RASGEF1C: variants seen among roughly 807,000 people sequenced by gnomAD.
The protein encoded by RASGEF1C is RasGEF domain family member 1C.
Under a neutral mutation model 58.1 loss-of-function variants are expected in RASGEF1C, and 27 were observed. The ratio of observed to expected loss-of-function variants is 0.46; its 90% CI spans 0.34 to 0.64. The LOEUF is 0.64. Ranked by LOEUF, RASGEF1C falls within the 30% of genes least tolerant of loss-of-function variation. The probability of loss-of-function intolerance (pLI) is 0.01; values close to 1 mark genes in which losing one functional copy is unlikely to be tolerated. For synonymous variants in RASGEF1C, 243 were observed against 246.3 expected (o/e 0.99, Z 0.13); for missense variants, 502 against 605.1 (o/e 0.83, Z 1.79).
At chr5:180,123,368 G>A (rs970239917) in intron 6 of RASGEF1C, among the ~76,000 whole-genome samples, 2 of 152,134 alleles carry the variant, frequency 1.3e-5, no homozygotes, top group Non-Finnish European at 2.9e-5. Flanking sequence ...GGATGAATAT[G>A]AATCTCAGCA....
At chr5:180,119,536 T>A (rs1766132098) in intron 7 of RASGEF1C, 88 bp from the exon 8 acceptor site, 3 of 975,452 alleles carry the variant, frequency 3.1e-6, no homozygotes, top group Admixed American at 2.0e-5. Context: ...CCGCTTCACC[T>A]TCTCTAAACC....
At position 180,128,419 on chromosome 5, in the gene RASGEF1C, G is replaced by A. The variant is rs368535017; in HGVS notation, c.630C>T (p.His210=). Residue 210 remains histidine (H), a synonymous_variant, in exon 5 of 14, where the codon CAC becomes CAT. Coordinates refer to ENST00000361132, the MANE Select transcript of RASGEF1C (RefSeq NM_175062.4). ...DPYTLAQQLT[H]VELERLRHIG... ...GTTTGGGCCGGCTTACCAGTTCCACGTGGGTCAGCTGCTGGGCCAGTGTGT... is the reference window on the plus strand; with the variant it reads ...GTTTGGGCCGGCTTACCAGTTCCACATGGGTCAGCTGCTGGGCCAGTGTGT... The A allele has an allele frequency of 1.9e-6, 3 of 1,613,518 alleles. No homozygotes were observed. Among genetic ancestry groups the A allele is most frequent in the Admixed American group, 1.7e-5 (1 of 60,032 alleles).
At chr5:180,151,444 G>T (rs866581022) in intron 1 of RASGEF1C, among the ~76,000 whole-genome samples, 1 of 152,118 alleles carries the variant, frequency 6.6e-6, no homozygotes, top group Non-Finnish European at 1.5e-5. Context: ...CTTTGACAAA[G>T]CAGACAAAAA....
intron 13 of RASGEF1C, 114 bp from the exon 14 acceptor site, chr5:180,101,639 C>A: frequency 1.5e-6 from 2 of 1,318,972 alleles, no homozygotes; most frequent in Non-Finnish European, 2.1e-6. Flanking sequence ...GCCTCCTGCC[C>A]CAGAGGGGTG....
intron 1 of RASGEF1C, among the ~76,000 whole-genome samples, chr5:180,150,167 C>A (rs1303628038): frequency 6.6e-6 from 1 of 152,158 alleles, no homozygotes; most frequent in African/African-American, 2.4e-5. Context: ...CTTTTGAATA[C>A]CTCTAGTGAA....
intron 4 of RASGEF1C, among the ~76,000 whole-genome samples, chr5:180,135,537 T>C (rs1766456447): frequency 6.6e-6 from 1 of 152,188 alleles, no homozygotes; most frequent in Admixed American, 6.5e-5. Context: ...CGCCCTGGGA[T>C]GCTGATAAAC....
chr5:180,114,229 C>A (rs898908005), intron 11 of RASGEF1C, among the ~76,000 whole-genome samples: 1 of 152,168 alleles, frequency 6.6e-6, no homozygotes, highest in South Asian at 2.1e-4. Flanking sequence ...GCTGGCCGTG[C>A]GGCGCAGCCT....
At chr5:180,117,989 A>G (rs552098122) in intron 10 of RASGEF1C, among the ~76,000 whole-genome samples, 2,820 of 82,740 alleles carry the variant, frequency 0.034, 39 homozygotes, top group South Asian at 0.046. Flanking sequence ...GAGAGACTCC[A>G]TCTCCAAAAA....
Position 180,101,363 on chromosome 5 carries a change from G to C in RASGEF1C, c.*138C>G. Reference sequence around the variant, plus strand: ...CGTATGGCCACTGTGGGGGGGGGGGGGGCGGGCAGCAGGCCACAGGGTCGG... The same window carrying C: ...CGTATGGCCACTGTGGGGGGGGGGGCGGCGGGCAGCAGGCCACAGGGTCGG... On this transcript the variant is annotated 3_prime_UTR_variant, in exon 14 of 14. Transcript: ENST00000361132. 2.1e-6 allele frequency: 2 copies of C among 935,702 alleles called. No individual in the cohort carries two copies. The highest frequency in any genetic ancestry group is 3.2e-6 in the Non-Finnish European group (2 of 624,568). 58.0% of individuals were successfully genotyped at this position (935,702 alleles called of 1,614,324 possible).
chr5:180,190,352 T>G (rs188116331), intron 1 of RASGEF1C, among the ~76,000 whole-genome samples: 2 of 151,366 alleles, frequency 1.3e-5, no homozygotes, highest in African/African-American at 4.9e-5. Context: ...TAGCCGGGCG[T>G]GGTGGCGGGC....
At chr5:180,186,796 T>C (rs1370860039) in intron 1 of RASGEF1C, among the ~76,000 whole-genome samples, 1 of 152,130 alleles carries the variant, frequency 6.6e-6, no homozygotes, top group Non-Finnish European at 1.5e-5. Context: ...TGAAACCTCA[T>C]CTCTACTAAA....
At chr5:180,184,178 A>T (rs1288877432) in intron 1 of RASGEF1C, among the ~76,000 whole-genome samples, 4 of 142,328 alleles carry the variant, frequency 2.8e-5, no homozygotes, top group East Asian at 2.1e-4. Context: ...TAAATAAATA[A>T]AAATAAATAA....
chr5:180,108,923 C>T (rs1765911414), intron 12 of RASGEF1C, among the ~76,000 whole-genome samples: 1 of 152,120 alleles, frequency 6.6e-6, no homozygotes, highest in South Asian at 2.1e-4. Context: ...TGGAAGATGC[C>T]CCTCTCTAAC....
chr5:180,190,942 A>G (rs1231234501), intron 1 of RASGEF1C, among the ~76,000 whole-genome samples: 2 of 152,248 alleles, frequency 1.3e-5, no homozygotes, highest in Admixed American at 6.5e-5. Context: ...AAGAACCCTC[A>G]GAAAACAATA....
At chr5:180,182,640 G>A (rs1040584391) in intron 1 of RASGEF1C, among the ~76,000 whole-genome samples, 5 of 152,122 alleles carry the variant, frequency 3.3e-5, no homozygotes, top group Admixed American at 1.3e-4. Context: ...TAGACACAGA[G>A]CACTGATTGG....
Position 180,136,343 on chromosome 5 carries a change from A to G in RASGEF1C, c.438+35T>C, listed in dbSNP as rs578153727. 66 of 1,539,396 alleles carry G rather than the reference A, an allele frequency of 4.3e-5. 1 individual carries two copies. In the South Asian group the frequency reaches 7.4e-4, roughly 17 times the overall value. On this transcript the variant is annotated intron_variant, in intron 4 of 13. Coordinates refer to ENST00000361132, the MANE Select transcript of RASGEF1C (RefSeq NM_175062.4). ...CAGGCGCAGGCCTGGGACGGGAGGG[A>G]CCCAGGGTGACGCGACCCCCGCCCA...
chr5:180,195,003 G>A (rs909333200), intron 1 of RASGEF1C, among the ~76,000 whole-genome samples: 4 of 152,220 alleles, frequency 2.6e-5, no homozygotes, highest in African/African-American at 4.8e-5. Flanking sequence ...CCTGTACCGA[G>A]GCCATGCTTC....
At chr5:180,188,570 C>T (rs1166783373) in intron 1 of RASGEF1C, among the ~76,000 whole-genome samples, 2 of 152,190 alleles carry the variant, frequency 1.3e-5, no homozygotes, top group African/African-American at 4.8e-5. Flanking sequence ...GGATAAAAGG[C>T]ATCGGTGAGA....
chr5:180,194,002 G>GTT, intron 1 of RASGEF1C, among the ~76,000 whole-genome samples: 1 of 148,850 alleles, frequency 6.7e-6, no homozygotes, highest in African/African-American at 2.5e-5. Context: ...ATTCTGTATG[G>GTT]TGTTTGTTTG....
Sources: gnomAD v4.1 joint callset for allele counts (sites outside exome capture counted in the v4.1 genomes callset) on GRCh38, gnomAD v4.1.1 for gene constraint, MANE v1.5 for transcripts, NCBI Gene and HGNC (gene_info 2026-07-23, HGNC 2026-07-21) for gene names.